Variants in ARHGAP39 observed in about 807,000 individuals in gnomAD.
The protein encoded by ARHGAP39 is rho GTPase-activating protein 39.
Under a neutral mutation model 106.9 loss-of-function variants are expected in ARHGAP39, and 44 were observed. The observed-to-expected ratio is 0.41, with a 90% CI of 0.32 to 0.53. The LOEUF (loss-of-function observed/expected upper bound fraction) is 0.53. ARHGAP39 is among the 20% of genes least tolerant of loss of function. ARHGAP39 has a pLI of 0.21. For missense variants in ARHGAP39, 1,496 were observed against 1,577.3 expected (o/e 0.95, Z 0.87); for synonymous variants, 768 against 693.2 (o/e 1.11, Z -1.69).
chr8:144,618,383 T>A (rs1008141193), intron 1 of ARHGAP39, among the ~76,000 whole-genome samples: 7 of 152,238 alleles, frequency 4.6e-5, no homozygotes, highest in Non-Finnish European at 7.3e-5. Flanking sequence ...AGAATCCACT[T>A]CACAGTTTAC....
chr8:144,645,476 C>T lies in ARHGAP39; in HGVS notation c.-81-39781G>A, dbSNP rs1233325641. Among the ~76,000 whole-genome samples, 2 of 151,722 alleles carry T rather than the reference C, an allele frequency of 1.3e-5. No individual in the cohort carries two copies. Among genetic ancestry groups the T allele is most frequent in the African/African-American group, 2.4e-5 (1 of 41,338 alleles). ...CCCGCCTCACTCTGGTCTCTCCCGG[C>T]AGAGTCACTGATGGTCTCCGTCAGG... On this transcript the variant is annotated intron_variant, in intron 1 of 11. Transcript: ENST00000377307. This position sits in a 1 kb window ranked among gnomAD's most constrained non-coding sequence, Gnocchi z 4.4.
At chr8:144,583,796 T>C (rs528516194) in intron 2 of ARHGAP39, among the ~76,000 whole-genome samples, 6 of 152,202 alleles carry the variant, frequency 3.9e-5, no homozygotes, top group African/African-American at 7.2e-5. Flanking sequence ...ACTACTGTCA[T>C]TGGAAAAAAA....
intron 2 of ARHGAP39, among the ~76,000 whole-genome samples, chr8:144,589,925 G>A: frequency 6.6e-6 from 1 of 152,222 alleles, no homozygotes; most frequent in East Asian, 1.9e-4. Context: ...TGAGATGCGT[G>A]GGAGCCCCGC....
At chr8:144,650,572 T>A (rs1821548957) in intron 1 of ARHGAP39, among the ~76,000 whole-genome samples, 1 of 152,122 alleles carries the variant, frequency 6.6e-6, no homozygotes, top group East Asian at 1.9e-4. Context: ...CAAGCAGACT[T>A]CATCCCCGGG....
rs534272836 is a variant in ARHGAP39, at chr8:144,674,900, C to T, written c.-82+10786G>A. Among the ~76,000 whole-genome samples the T allele has an allele frequency of 2.2e-3, 334 of 152,280 alleles. 4 individuals carry two copies. The highest frequency in any genetic ancestry group is 3.2e-3 in the African/African-American group (134 of 41,552). On this transcript the variant is annotated intron_variant, in intron 1 of 11. Transcript: ENST00000377307. ...AGCCTCAACTTTGTTCCAAAATTGA[C>T]GTGGGGACCAGGAGCAGGGAGAGGC...
intron 7 of ARHGAP39, among the ~76,000 whole-genome samples, chr8:144,535,033 A>G (rs1030174229): frequency 6.6e-6 from 1 of 152,152 alleles, no homozygotes; most frequent in Non-Finnish European, 1.5e-5. Context: ...GGGCCAGGGG[A>G]GCCATGGACC....
intron 1 of ARHGAP39, among the ~76,000 whole-genome samples, chr8:144,633,878 C>A (rs962262445): frequency 3.3e-5 from 5 of 152,222 alleles, no homozygotes; most frequent in African/African-American, 9.6e-5. Flanking sequence ...CCATAATCAG[C>A]ACACAACAGG....
intron 4 of ARHGAP39, among the ~76,000 whole-genome samples, chr8:144,553,320 G>T (rs1817789929): frequency 6.6e-6 from 1 of 152,198 alleles, no homozygotes; most frequent in East Asian, 1.9e-4. Context: ...ATCATAGCAA[G>T]AACTGGCTTG....
intron 1 of ARHGAP39, among the ~76,000 whole-genome samples, chr8:144,614,539 G>A (rs1820584830): frequency 6.6e-6 from 1 of 152,114 alleles, no homozygotes; most frequent in Non-Finnish European, 1.5e-5. Context: ...TTTCAGTAGA[G>A]ATGGGGTTTA....
chr8:144,676,744 G>A (rs908260243), intron 1 of ARHGAP39, among the ~76,000 whole-genome samples: 9 of 152,290 alleles, frequency 5.9e-5, no homozygotes, highest in Non-Finnish European at 1.2e-4. Context: ...TCCCGCCCAC[G>A]CCTCTCCCTC....
chr8:144,665,839 T>C (rs1254291656), intron 1 of ARHGAP39, among the ~76,000 whole-genome samples: 1 of 152,186 alleles, frequency 6.6e-6, no homozygotes, highest in Non-Finnish European at 1.5e-5. Flanking sequence ...AAGGGAAATG[T>C]GGGGTTGGAG....
At chr8:144,613,911 T>C (rs1820562512) in intron 1 of ARHGAP39, among the ~76,000 whole-genome samples, 2 of 152,242 alleles carry the variant, frequency 1.3e-5, no homozygotes, top group South Asian at 4.1e-4. Flanking sequence ...CCTCTGAAAG[T>C]TGTCCTACAG....
At chr8:144,546,112 A>T (rs192051106) in intron 5 of ARHGAP39, among the ~76,000 whole-genome samples, 1 of 152,174 alleles carries the variant, frequency 6.6e-6, no homozygotes, top group Admixed American at 6.5e-5. Context: ...ATCCGCTGGC[A>T]CCCCCAGGGG....
rs188052899 is a variant in ARHGAP39 at position 144,637,350 on chromosome 8, G to A, written c.-81-31655C>T. On this transcript the variant is annotated intron_variant, in intron 1 of 11. Coordinates refer to ENST00000377307, the MANE Select transcript of ARHGAP39 (RefSeq NM_025251.3). ...TTCATTGCTGGGCGCAGTGGCTCACGCCTGTAATCCCAGCACTTTGGGAGG... is the reference window on the plus strand; with the variant it reads ...TTCATTGCTGGGCGCAGTGGCTCACACCTGTAATCCCAGCACTTTGGGAGG... Among the ~76,000 whole-genome samples the A allele has an allele frequency of 1.3e-4, 20 of 152,176 alleles. No homozygotes were observed. In the East Asian group the frequency reaches 3.7e-3, roughly 28 times the overall value.
chr8:144,663,640 G>T (rs976514991), intron 1 of ARHGAP39, among the ~76,000 whole-genome samples: 2 of 152,042 alleles, frequency 1.3e-5, no homozygotes, highest in South Asian at 4.2e-4. Flanking sequence ...TCAGCCCCAG[G>T]TACCCTCTCC....
chr8:144,605,036 C>A (rs1432479607), intron 2 of ARHGAP39, among the ~76,000 whole-genome samples: 2 of 152,158 alleles, frequency 1.3e-5, no homozygotes, highest in Non-Finnish European at 2.9e-5. Context: ...CCTCGGCCTC[C>A]CAAAAGGATC....
chr8:144,535,848 TGG>T (rs1816933106), intron 7 of ARHGAP39, among the ~76,000 whole-genome samples: 1 of 152,228 alleles, frequency 6.6e-6, no homozygotes, highest in African/African-American at 2.4e-5. Context: ...CTCTGTAGGA[TGG>T]GGACTGTGAC....
chr8:144,629,012 C>T (rs888001926), intron 1 of ARHGAP39, among the ~76,000 whole-genome samples: 5 of 152,350 alleles, frequency 3.3e-5, no homozygotes, highest in South Asian at 2.1e-4. Context: ...ACCTGCCACG[C>T]GCTTCCCATT....
Position 144,647,696 on chromosome 8 carries a change from C to G in ARHGAP39, c.-82+37990G>C, listed in dbSNP as rs1188017500. The stretch of plus-strand genomic sequence containing the variant: ...CAAGAAATGCTCGGGAGCTGGGGGA[C>G]AGTCCTGGAGACCAATGCAGAATGC... On this transcript the variant is annotated intron_variant, in intron 1 of 11. Transcript: ENST00000377307. This position sits in a 1 kb window ranked among gnomAD's most constrained non-coding sequence, Gnocchi z 4.8. Among the ~76,000 whole-genome samples the G allele has an allele frequency of 6.6e-6, 1 of 152,246 alleles. No homozygotes were observed. Among genetic ancestry groups the G allele is most frequent in the Non-Finnish European group, 1.5e-5 (1 of 68,038 alleles).
Sources: gnomAD v4.1 joint callset for allele counts (sites outside exome capture counted in the v4.1 genomes callset) on GRCh38, gnomAD v4.1.1 for gene constraint, Gnocchi (gnomAD v3.1) non-coding constraint, MANE v1.5 for transcripts, NCBI Gene and HGNC (gene_info 2026-07-23, HGNC 2026-07-21) for gene names.